The following SLC26A7 variants were observed in gnomAD, a reference collection of about 807,000 sequenced individuals.
SLC26A7 encodes the protein solute carrier family 26 member 7.
In SLC26A7, 59 loss-of-function variants were observed where a neutral mutation model predicts 82.5. The ratio of observed to expected loss-of-function variants is 0.72; its 90% CI spans 0.58 to 0.89. SLC26A7 has a LOEUF of 0.89. SLC26A7 is among the 40% of genes least tolerant of loss of function. The pLI, the probability that SLC26A7 is intolerant of heterozygous loss-of-function variation, is 0.00. For missense variants in SLC26A7, 820 were observed against 793.0 expected (o/e 1.03, Z -0.41); for synonymous variants, 271 against 274.3 (o/e 0.99, Z 0.12).
At chr8:91,373,830 T>A (rs1489970958) in intron 15 of SLC26A7, among the ~76,000 whole-genome samples, 2 of 152,072 alleles carry the variant, frequency 1.3e-5, no homozygotes, top group African/African-American at 2.4e-5. Flanking sequence ...TCTGGTAGAA[T>A]TAGCCTGTGA....
chr8:91,236,485 G>A (rs1438120113), intron 2 of SLC26A7, among the ~76,000 whole-genome samples: 1 of 151,928 alleles, frequency 6.6e-6, no homozygotes, highest in African/African-American at 2.4e-5. Context: ...GAGACAAAAT[G>A]AGATGAGCTG....
At chr8:91,233,309 G>C (rs1005193803) in intron 2 of SLC26A7, among the ~76,000 whole-genome samples, 1 of 152,166 alleles carries the variant, frequency 6.6e-6, no homozygotes, top group Non-Finnish European at 1.5e-5. Context: ...GCTCATGCCT[G>C]TAATCCCAGC....
chr8:91,279,141 A>ATATATATG (rs1811493772), intron 2 of SLC26A7, among the ~76,000 whole-genome samples: 2 of 108,698 alleles, frequency 1.8e-5, no homozygotes, highest in African/African-American at 4.0e-5. Context: ...ATATATATAT[A>ATATATATG]TATATATATA....
chr8:91,239,726 C>G lies in SLC26A7; in HGVS notation c.-33-9893C>G, dbSNP rs151037995. 4.1e-3 allele frequency among the ~76,000 whole-genome samples: 619 copies of G among 152,200 alleles called. 4 individuals carry two copies. Among genetic ancestry groups the G allele is most frequent in the Non-Finnish European group, 7.5e-3 (509 of 68,008 alleles). Reference sequence around the variant, plus strand: ...TATTTCAATTCAAGAACTAATTCATCTTTGTTGACATAGGATTGACACAGA... The same window carrying G: ...TATTTCAATTCAAGAACTAATTCATGTTTGTTGACATAGGATTGACACAGA... On this transcript the variant is annotated intron_variant, in intron 2 of 5. Transcript: ENST00000522862.
Position 91,312,917 on chromosome 8 carries a change from A to T in SLC26A7, c.478-5299A>T, listed in dbSNP as rs72666089. 6.2e-3 allele frequency among the ~76,000 whole-genome samples: 943 copies of T among 152,144 alleles called. 6 individuals carry two copies. The highest frequency in any genetic ancestry group is 9.5e-3 in the Non-Finnish European group (646 of 67,974). On this transcript the variant is annotated intron_variant, in intron 4 of 18. Coordinates refer to ENST00000276609, the MANE Select transcript of SLC26A7 (RefSeq NM_052832.4). ...ACACTTATCAGATATATGATTTGCAAATGTTTTCTCCCATTTTGTGGGTTT... is the reference window on the plus strand; with the variant it reads ...ACACTTATCAGATATATGATTTGCATATGTTTTCTCCCATTTTGTGGGTTT...
chr8:91,267,097 A>G (rs897674447), intron 2 of SLC26A7, among the ~76,000 whole-genome samples: 4 of 151,856 alleles, frequency 2.6e-5, no homozygotes, highest in African/African-American at 9.7e-5. Context: ...CTAACTGATC[A>G]TCGTGAATGA....
At chr8:91,378,672 A>G (rs373575017) in intron 15 of SLC26A7, among the ~76,000 whole-genome samples, 1 of 151,624 alleles carries the variant, frequency 6.6e-6, no homozygotes, top group East Asian at 1.9e-4. Context: ...CAGCTAGGAG[A>G]GCCCCGAGTC....
At chr8:91,300,490 C>T (rs931627163) in intron 4 of SLC26A7, among the ~76,000 whole-genome samples, 1 of 151,570 alleles carries the variant, frequency 6.6e-6, no homozygotes, top group African/African-American at 2.4e-5. Context: ...CTCCGCCTCC[C>T]GGGTTCACGC....
intron 4 of SLC26A7, among the ~76,000 whole-genome samples, chr8:91,298,526 A>C (rs1042983391): frequency 2.0e-5 from 3 of 152,274 alleles, no homozygotes; most frequent in African/African-American, 7.2e-5. Flanking sequence ...TATTAATACG[A>C]TCTTCAAGCA....
chr8:91,368,428 T>G (rs1386934404), intron 14 of SLC26A7, among the ~76,000 whole-genome samples: 1 of 151,512 alleles, frequency 6.6e-6, no homozygotes, highest in African/African-American at 2.4e-5. Context: ...TTTTTTTGTT[T>G]TTTTTTTTGA....
chr8:91,341,305 A>G (rs1813406557), intron 8 of SLC26A7, among the ~76,000 whole-genome samples: 1 of 152,078 alleles, frequency 6.6e-6, no homozygotes, highest in Admixed American at 6.5e-5. Context: ...TGTCCCTACA[A>G]AGGACATGAA....
intron 4 of SLC26A7, 32 bp downstream of exon 4, chr8:91,295,735 A>T: frequency 6.2e-7 from 1 of 1,606,272 alleles, no homozygotes; most frequent in South Asian, 1.1e-5. Context: ...GCACAAAGAA[A>T]GGGACACAGC....
chr8:91,300,914 A>G (rs972189239), intron 4 of SLC26A7, among the ~76,000 whole-genome samples: 1 of 144,854 alleles, frequency 6.9e-6, no homozygotes, highest in African/African-American at 2.8e-5. Flanking sequence ...TTAAGAAATT[A>G]TAAATTGTGT....
Position 91,313,241 on chromosome 8 carries a change from C to T in SLC26A7, c.478-4975C>T, listed in dbSNP as rs1215696580. The stretch of plus-strand genomic sequence containing the variant: ...TTCCCTGCACCATTTGTTGAAAAGA[C>T]TGTCCTTTCCTTCATTGAATGGTCT... On this transcript the variant is annotated intron_variant, in intron 4 of 18. Transcript: ENST00000276609. 2.0e-5 allele frequency among the ~76,000 whole-genome samples: 3 copies of T among 152,136 alleles called. No individual in the cohort carries two copies. The East Asian group carries it at 5.8e-4, about 29-fold the overall frequency.
At chr8:91,295,396 G>T in intron 3 of SLC26A7, 135 bp from the exon 4 acceptor site, 1 of 918,068 alleles carries the variant, frequency 1.1e-6, no homozygotes, top group Non-Finnish European at 1.6e-6. Flanking sequence ...GGAGAAGCAA[G>T]GCCACAGAGG....
chr8:91,237,642 A>G (rs958169227), intron 2 of SLC26A7, among the ~76,000 whole-genome samples: 3 of 151,972 alleles, frequency 2.0e-5, no homozygotes, highest in African/African-American at 7.3e-5. Context: ...TTCCTCCTCT[A>G]TAAACATGAT....
chr8:91,349,328 C>T (rs1813652600), intron 9 of SLC26A7, among the ~76,000 whole-genome samples: 1 of 152,116 alleles, frequency 6.6e-6, no homozygotes, highest in Non-Finnish European at 1.5e-5. Flanking sequence ...TCACCCTTTA[C>T]CAAATAAGAT....
intron 2 of SLC26A7, among the ~76,000 whole-genome samples, chr8:91,225,239 C>T (rs566655688): frequency 1.5e-4 from 23 of 152,306 alleles, no homozygotes; most frequent in African/African-American, 5.5e-4. Flanking sequence ...TGAACAGATT[C>T]CAGCTGAGAG....
At position 91,273,353 on chromosome 8, in the gene SLC26A7, A is replaced by T. The variant is rs557362798; in HGVS notation, c.194-15783A>T. Among the ~76,000 whole-genome samples the T allele has an allele frequency of 3.3e-5, 5 of 152,294 alleles. No homozygotes were observed. In the South Asian group the frequency reaches 1.0e-3, roughly 32 times the overall value. On this transcript the variant is annotated intron_variant, in intron 2 of 18. Coordinates refer to ENST00000276609, the MANE Select transcript of SLC26A7 (RefSeq NM_052832.4). ...GGTATGGGATTGGATCAGATAATTA[A>T]TGGATAGTTTGTAGAATAGAAAGAG...
Sources: gnomAD v4.1 joint callset for allele counts (sites outside exome capture counted in the v4.1 genomes callset) on GRCh38, gnomAD v4.1.1 for gene constraint, MANE v1.5 for transcripts, NCBI Gene and HGNC (gene_info 2026-07-23, HGNC 2026-07-21) for gene names.